The following FAM135B variants were observed in gnomAD, a reference collection of about 807,000 sequenced individuals.
FAM135B encodes family with sequence similarity 135 member B, also known as protein FAM135B.
FAM135B carries 43 observed loss-of-function variants against 127.7 expected under a neutral mutation model. That is an observed-to-expected ratio of 0.34 (90% CI 0.26 to 0.43). The LOEUF (loss-of-function observed/expected upper bound fraction) is 0.43, where lower values mean the gene tolerates loss of function less well. Among genes scored for constraint, FAM135B ranks in the 20% least tolerant of loss-of-function variants. The pLI is 1.00. For missense variants in FAM135B, 1,558 were observed against 1,725.6 expected, an observed-to-expected ratio of 0.90 and a Z score of 1.72; for synonymous variants, 670 against 665.1, an observed-to-expected ratio of 1.01 and a Z score of -0.11.
chr8:138,235,165 A>G (rs1820175339), intron 7 of FAM135B, among the ~76,000 whole-genome samples: 1 of 152,188 alleles, frequency 6.6e-6, no homozygotes, highest in African/African-American at 2.4e-5. Context: ...TGTAGATATA[A>G]GAAGATGTAA....
intron 7 of FAM135B, among the ~76,000 whole-genome samples, chr8:138,208,765 G>A (rs574879749): frequency 1.3e-5 from 2 of 152,030 alleles, no homozygotes; most frequent in Non-Finnish European, 1.5e-5. Context: ...ATTATTGGTA[G>A]GAATTTCATA....
At chr8:138,484,680 TG>T (rs1564036866) in intron 1 of FAM135B, among the ~76,000 whole-genome samples, 1 of 152,258 alleles carries the variant, frequency 6.6e-6, no homozygotes, top group Admixed American at 6.5e-5. Flanking sequence ...CGCTGAAAAA[TG>T]GTTTTATTAT....
At chr8:138,205,014 G>A (rs2129682005) in intron 7 of FAM135B, among the ~76,000 whole-genome samples, 1 of 152,178 alleles carries the variant, frequency 6.6e-6, no homozygotes, top group African/African-American at 2.4e-5. Flanking sequence ...CTGTGTGCCT[G>A]GTACTATTCT....
At chr8:138,272,829 C>T (rs759571380) in intron 3 of FAM135B, among the ~76,000 whole-genome samples, 10 of 152,168 alleles carry the variant, frequency 6.6e-5, no homozygotes, top group Admixed American at 1.3e-4. Context: ...CAGTGTATGG[C>T]GTTGTACCTC....
intron 3 of FAM135B, among the ~76,000 whole-genome samples, chr8:138,308,789 A>G (rs1201443464): frequency 6.6e-6 from 1 of 152,052 alleles, no homozygotes; most frequent in Non-Finnish European, 1.5e-5. Flanking sequence ...CGGTGACAGG[A>G]CCCAAGCTCC....
chr8:138,218,762 CACACAG>C (rs1586804423), intron 7 of FAM135B, among the ~76,000 whole-genome samples: 1 of 59,122 alleles, frequency 1.7e-5, no homozygotes, highest in South Asian at 1.1e-3. Context: ...CGCACACACA[CACACAG>C]AGAGAGAGAG....
intron 3 of FAM135B, among the ~76,000 whole-genome samples, chr8:138,293,647 G>A (rs1179983891): frequency 6.6e-6 from 1 of 152,128 alleles, no homozygotes; most frequent in Non-Finnish European, 1.5e-5. Flanking sequence ...ATGCAAAAAT[G>A]CTCAATGTAA....
intron 1 of FAM135B, among the ~76,000 whole-genome samples, chr8:138,409,689 C>T (rs569707984): frequency 2.6e-5 from 4 of 151,998 alleles, no homozygotes; most frequent in African/African-American, 4.8e-5. Context: ...TCCTGGCTAA[C>T]GTGGTGAAAC....
At chr8:138,139,845 T>C (rs536154060) in intron 17 of FAM135B, among the ~76,000 whole-genome samples, 1 of 152,310 alleles carries the variant, frequency 6.6e-6, no homozygotes, top group African/African-American at 2.4e-5. Context: ...GTGTAAGGAT[T>C]ACATAACCAC....
intron 1 of FAM135B, among the ~76,000 whole-genome samples, chr8:138,468,960 G>A (rs1837527728): frequency 6.6e-6 from 1 of 152,088 alleles, no homozygotes; most frequent in Non-Finnish European, 1.5e-5. Context: ...CAGGAGAATT[G>A]CTTGAACCAG....
chr8:138,191,658 T>C (rs919943354), intron 9 of FAM135B, among the ~76,000 whole-genome samples: 13 of 152,146 alleles, frequency 8.5e-5, no homozygotes, highest in African/African-American at 3.1e-4. Context: ...GAAATGTTTG[T>C]GAAATTAATA....
At chr8:138,155,222 A>G (rs1010266015) in intron 12 of FAM135B, among the ~76,000 whole-genome samples, 1 of 152,186 alleles carries the variant, frequency 6.6e-6, no homozygotes, top group African/African-American at 2.4e-5. Context: ...GAGAAATAAA[A>G]TCCTTTACAG....
intron 1 of FAM135B, among the ~76,000 whole-genome samples, chr8:138,457,991 AG>A (rs1836897462): frequency 4.1e-5 from 5 of 121,932 alleles, no homozygotes; most frequent in African/African-American, 1.3e-4. Context: ...AAAAAAAAAA[AG>A]AGAGAGAAAA....
chr8:138,313,941 T>C (rs1826883726), intron 2 of FAM135B, among the ~76,000 whole-genome samples: 1 of 151,668 alleles, frequency 6.6e-6, no homozygotes, highest in Admixed American at 6.6e-5. Flanking sequence ...GGTTAAGCAA[T>C]ACTAAAAACA....
intron 7 of FAM135B, among the ~76,000 whole-genome samples, chr8:138,199,893 C>T (rs1245947194): frequency 6.6e-6 from 1 of 152,232 alleles, no homozygotes; most frequent in Non-Finnish European, 1.5e-5. Context: ...TCCCTTGACA[C>T]ATGGGGATTA....
At chr8:138,316,131 A>T (rs929456895) in intron 2 of FAM135B, among the ~76,000 whole-genome samples, 1 of 152,276 alleles carries the variant, frequency 6.6e-6, no homozygotes, top group Admixed American at 6.5e-5. Context: ...TTATCAAAAC[A>T]TCATGTTGTA....
In FAM135B at chr8:138,415,059, T is replaced by A. The variant is rs553859033; in HGVS notation, c.-19-47057A>T. 2.0e-5 allele frequency among the ~76,000 whole-genome samples: 3 copies of A among 152,264 alleles called. No individual in the cohort carries two copies. The East Asian group carries it at 5.8e-4, about 29-fold the overall frequency. Reference sequence around the variant, plus strand: ...GGAAGATGTAAAACTCAAAGGATGCTGGTGAGGAAGATAATGATCACAAGC... The same window carrying A: ...GGAAGATGTAAAACTCAAAGGATGCAGGTGAGGAAGATAATGATCACAAGC... On this transcript the variant is annotated intron_variant, in intron 1 of 19. Coordinates refer to ENST00000395297, the MANE Select transcript of FAM135B (RefSeq NM_015912.4).
intron 1 of FAM135B, among the ~76,000 whole-genome samples, chr8:138,478,275 A>C (rs2131676481): frequency 1.3e-5 from 2 of 151,544 alleles, no homozygotes; most frequent in South Asian, 4.2e-4. Flanking sequence ...GCCCCTGAAA[A>C]CCCTGTCTTT....
At chr8:138,357,249 A>T (rs1830147394) in intron 2 of FAM135B, among the ~76,000 whole-genome samples, 1 of 152,200 alleles carries the variant, frequency 6.6e-6, no homozygotes, top group South Asian at 2.1e-4. Context: ...TCTTAAATGC[A>T]TTATAATATT....
Sources: gnomAD v4.1 joint callset for allele counts (sites outside exome capture counted in the v4.1 genomes callset) on GRCh38, gnomAD v4.1.1 for gene constraint, MANE v1.5 for transcripts, NCBI Gene and HGNC (gene_info 2026-07-23, HGNC 2026-07-21) for gene names.